Variants in RFX7 observed in about 807,000 individuals in gnomAD.
The protein encoded by RFX7 is DNA-binding protein RFX7.
A neutral mutation model predicts 111.8 loss-of-function variants in RFX7; 26 were observed. The ratio of observed to expected loss-of-function variants is 0.23; its 90% CI spans 0.17 to 0.32. The LOEUF (loss-of-function observed/expected upper bound fraction) is 0.32. RFX7 is among the 10% of genes least tolerant of loss of function. The pLI, the probability that RFX7 is intolerant of heterozygous loss-of-function variation, is 1.00. For missense variants in RFX7, 1,573 were observed against 1,772.9 expected (o/e 0.89, Z 2.02); for synonymous variants, 624 against 624.4 (o/e 1.00, Z 0.01).
chr15:56,156,481 A>G (rs779946430), intron 3 of RFX7, among the ~76,000 whole-genome samples: 14 of 152,068 alleles, frequency 9.2e-5, no homozygotes, highest in East Asian at 3.8e-4. Context: ...CTCTACTGAT[A>G]GACAATATGT....
chr15:56,168,352 G>A (rs1306589120), intron 3 of RFX7, among the ~76,000 whole-genome samples: 2 of 152,154 alleles, frequency 1.3e-5, no homozygotes, highest in African/African-American at 4.8e-5. Flanking sequence ...GATAATCACT[G>A]TTTGTAAATA....
intron 3 of RFX7, among the ~76,000 whole-genome samples, chr15:56,172,624 G>A (rs977978454): frequency 3.3e-5 from 5 of 152,092 alleles, no homozygotes; most frequent in African/African-American, 1.2e-4. Flanking sequence ...TTAAGTTAGG[G>A]ACAAGAAATG....
At chr15:56,135,540 G>A (rs1176412621) in intron 5 of RFX7, among the ~76,000 whole-genome samples, 2 of 151,508 alleles carry the variant, frequency 1.3e-5, no homozygotes, top group East Asian at 1.9e-4. Flanking sequence ...AGTAGGTTGT[G>A]AAAATTTTCT....
At chr15:56,098,941 T>C (rs553022638) in intron 8 of RFX7, among the ~76,000 whole-genome samples, 141 of 152,304 alleles carry the variant, frequency 9.3e-4, no homozygotes, top group African/African-American at 3.3e-3. Flanking sequence ...TACTATACAA[T>C]GATTCCAGTA....
At chr15:56,218,888 CAGAG>C (rs764762854) in intron 2 of RFX7, among the ~76,000 whole-genome samples, 5 of 152,050 alleles carry the variant, frequency 3.3e-5, no homozygotes, top group African/African-American at 4.8e-5. Context: ...TATCAGATAA[CAGAG>C]AGATCGAATT....
At chr15:56,159,537 G>A (rs554057461) in intron 3 of RFX7, among the ~76,000 whole-genome samples, 2 of 152,272 alleles carry the variant, frequency 1.3e-5, no homozygotes, top group African/African-American at 4.8e-5. Context: ...ATTGAAGTTA[G>A]TAAATATTTC....
chr15:56,215,183 A>T (rs2043351358), intron 2 of RFX7, among the ~76,000 whole-genome samples: 1 of 152,236 alleles, frequency 6.6e-6, no homozygotes, highest in South Asian at 2.1e-4. Flanking sequence ...TCATCTCCAG[A>T]TTCCTTGTAA....
At chr15:56,106,468 A>G (rs1316456669) in intron 5 of RFX7, among the ~76,000 whole-genome samples, 4 of 152,256 alleles carry the variant, frequency 2.6e-5, no homozygotes, top group African/African-American at 9.6e-5. Flanking sequence ...AAAAACAACA[A>G]GAACAATACC....
chr15:56,141,153 T>C (rs1240783095), intron 5 of RFX7, among the ~76,000 whole-genome samples: 1 of 152,056 alleles, frequency 6.6e-6, no homozygotes, highest in Admixed American at 6.6e-5. Flanking sequence ...AAACCTCAGT[T>C]TGGGCAATGG....
chr15:56,183,771 T>G lies in RFX7; in HGVS notation c.162-4468A>C, dbSNP rs180989788. On this transcript the variant is annotated intron_variant, in intron 2 of 9. Coordinates refer to ENST00000559447, the MANE Select transcript of RFX7 (RefSeq NM_022841.7). ...TCCTCCTAAACTTTATGTAGGACTTTATTTTTGGACTGTATTAATGTTATA... is the reference window on the plus strand; with the variant it reads ...TCCTCCTAAACTTTATGTAGGACTTGATTTTTGGACTGTATTAATGTTATA... Among the ~76,000 whole-genome samples, 330 of 152,334 alleles carry G rather than the reference T, an allele frequency of 2.2e-3. 1 individual carries two copies. Among genetic ancestry groups the G allele is most frequent in the Non-Finnish European group, 4.0e-3 (270 of 68,032 alleles).
At chr15:56,178,184 C>T (rs866507791) in intron 3 of RFX7, among the ~76,000 whole-genome samples, 41 of 142,206 alleles carry the variant, frequency 2.9e-4, no homozygotes, top group Non-Finnish European at 4.1e-4. Flanking sequence ...CACACACACA[C>T]ACACACACAC....
chr15:56,126,908 AG>A (rs1479200755), intron 5 of RFX7, among the ~76,000 whole-genome samples: 1 of 152,170 alleles, frequency 6.6e-6, no homozygotes, highest in African/African-American at 2.4e-5. Flanking sequence ...CAGCAATAAC[AG>A]TCAGAGACTT....
In RFX7 at chr15:56,129,511, C is replaced by A. The variant is rs572259003; in HGVS notation, c.401+13267G>T. Among the ~76,000 whole-genome samples the A allele has an allele frequency of 2.6e-5, 4 of 152,028 alleles. No individual in the cohort carries two copies. In the South Asian group the frequency reaches 8.3e-4, roughly 31 times the overall value. On this transcript the variant is annotated intron_variant, in intron 5 of 9. Coordinates refer to ENST00000559447, the MANE Select transcript of RFX7 (RefSeq NM_022841.7). The stretch of plus-strand genomic sequence containing the variant: ...GGAGAAGTATCATATCCACAACTTA[C>A]AAATGGTATAGGAAAAAAACTGTTG...
chr15:56,130,870 C>A (rs1025936219), intron 5 of RFX7, among the ~76,000 whole-genome samples: 1 of 151,858 alleles, frequency 6.6e-6, no homozygotes. Context: ...AAACAAATGA[C>A]CAAAATTGAT....
chr15:56,153,577 C>G (rs578096528), intron 3 of RFX7, among the ~76,000 whole-genome samples: 4 of 152,260 alleles, frequency 2.6e-5, no homozygotes, highest in African/African-American at 9.6e-5. Flanking sequence ...CAGAAAAGGC[C>G]TTTGATAAAA....
intron 2 of RFX7, among the ~76,000 whole-genome samples, chr15:56,208,671 C>T (rs1390477970): frequency 2.6e-5 from 4 of 152,034 alleles, no homozygotes; most frequent in African/African-American, 9.7e-5. Flanking sequence ...AGTACACAGA[C>T]TGCAAGAACA....
chr15:56,189,010 G>GGTT (rs534618093), intron 2 of RFX7, among the ~76,000 whole-genome samples: 103 of 152,176 alleles, frequency 6.8e-4, no homozygotes, highest in Non-Finnish European at 1.3e-3. Flanking sequence ...GTAGAGATGG[G>GGTT]GTTTTCCCAT....
chr15:56,243,487 C>T lies in RFX7; in HGVS notation c.-45G>A, dbSNP rs1289204832. 2 of 984,986 alleles carry T rather than the reference C, an allele frequency of 2.0e-6. No individual in the cohort carries two copies. Among genetic ancestry groups the T allele is most frequent in the Non-Finnish European group, 1.2e-6 (1 of 829,798 alleles). The allele number at this position is 984,986 out of a possible 1,614,324, so 61.0% of individuals were successfully genotyped here. On this transcript the variant is annotated 5_prime_UTR_variant, in exon 1 of 10. An upstream start codon of the reference 5' UTR is lost. Coordinates refer to ENST00000559447, the MANE Select transcript of RFX7 (RefSeq NM_022841.7). ...TCGCTTTCGCCTGCCGCCTGGGGAA[C>T]ATCACCGGGGAGACCAGCGGCTCCT...
intron 3 of RFX7, among the ~76,000 whole-genome samples, chr15:56,153,446 A>G (rs1356501919): frequency 2.0e-5 from 3 of 152,114 alleles, no homozygotes; most frequent in African/African-American, 4.8e-5. Context: ...CATAAATCCA[A>G]TCCACATAAA....
Sources: allele counts gnomAD v4.1 joint callset (sites outside exome capture counted in the v4.1 genomes callset), GRCh38; gene constraint gnomAD v4.1.1; transcripts MANE v1.5; gene names NCBI Gene and HGNC (gene_info 2026-07-23, HGNC 2026-07-21).